Variants in TMEM144 observed in about 807,000 individuals in gnomAD.
TMEM144 encodes the protein transmembrane protein 144.
Under a neutral mutation model 43.6 loss-of-function variants are expected in TMEM144, and 39 were observed. That is an observed-to-expected ratio of 0.90 (90% CI 0.69 to 1.17). The LOEUF (loss-of-function observed/expected upper bound fraction) is 1.17. TMEM144 is among the 50% of genes most tolerant of loss of function. The pLI is 0.00. For synonymous variants in TMEM144, 154 were observed against 133.6 expected (o/e 1.15, Z -1.06); for missense variants, 417 against 411.9 (o/e 1.01, Z -0.11).
At chr4:158,243,403 A>C (rs1446166444) in intron 11 of TMEM144, among the ~76,000 whole-genome samples, 1 of 152,156 alleles carries the variant, frequency 6.6e-6, no homozygotes, top group Non-Finnish European at 1.5e-5. Context: ...TCATTGACTC[A>C]GTCCTTTTGT....
chr4:158,253,375 G>C (rs1037916778), intron 12 of TMEM144, 69 bp from the exon 13 acceptor site: 8 of 1,349,310 alleles, frequency 5.9e-6, no homozygotes, highest in Admixed American at 1.8e-5. Flanking sequence ...TAGCAATCTT[G>C]AGAGTCTGTC....
chr4:158,254,321 A>C lies in TMEM144; in HGVS notation c.*794A>C, dbSNP rs1246112454. ...GAAACAACCACTCTTTTGAATGTAC[A>C]ACTTTTTTTTCTGAAATACACTTTT... On this transcript the variant is annotated 3_prime_UTR_variant, in exon 13 of 13. Transcript: ENST00000296529. 1 of 152,186 alleles carries C rather than the reference A, an allele frequency of 6.6e-6. No homozygotes were observed. Among genetic ancestry groups the C allele is most frequent in the Non-Finnish European group, 1.5e-5 (1 of 68,036 alleles). 9.4% of individuals were successfully genotyped at this position (152,186 alleles called of 1,614,324 possible).
At position 158,252,066 on chromosome 4, in the gene TMEM144, G is replaced by A. The variant is rs534333339; in HGVS notation, c.955-1378G>A. On this transcript the variant is annotated intron_variant, in intron 12 of 12. Coordinates refer to ENST00000296529, the MANE Select transcript of TMEM144 (RefSeq NM_018342.5). Reference sequence around the variant, plus strand: ...GACCAGGAAAAGAGATGCCTCCAGGGATATATGAGAGTTATTTTTCAATGA... The same window carrying A: ...GACCAGGAAAAGAGATGCCTCCAGGAATATATGAGAGTTATTTTTCAATGA... Among the ~76,000 whole-genome samples, 19 of 152,248 alleles carry A rather than the reference G, an allele frequency of 1.2e-4. No homozygotes were observed. In the South Asian group the frequency reaches 3.3e-3, roughly 27 times the overall value.
chr4:158,224,599 G>T (rs938108850), intron 6 of TMEM144, among the ~76,000 whole-genome samples: 1 of 152,118 alleles, frequency 6.6e-6, no homozygotes, highest in South Asian at 2.1e-4. Flanking sequence ...TAATAGGACC[G>T]TAGCAACCTT....
chr4:158,215,082 G>A, intron 3 of TMEM144, 109 bp from the exon 4 acceptor site: 2 of 1,356,098 alleles, frequency 1.5e-6, no homozygotes, highest in Non-Finnish European at 2.1e-6. Context: ...ATGGCATATG[G>A]CATTTAATAA....
chr4:158,234,518 C>A (rs1246554957), intron 7 of TMEM144: 1 of 148,852 alleles, frequency 6.7e-6, no homozygotes, highest in Non-Finnish European at 1.5e-5. Context: ...CCAGCCTGGA[C>A]AACAAGAATG....
intron 6 of TMEM144, among the ~76,000 whole-genome samples, chr4:158,220,136 C>T (rs1734440544): frequency 6.6e-6 from 1 of 152,132 alleles, no homozygotes; most frequent in Non-Finnish European, 1.5e-5. Context: ...AGGGAAAGAA[C>T]AGTATATTTG....
intron 6 of TMEM144, among the ~76,000 whole-genome samples, chr4:158,229,690 C>T (rs1403964639): frequency 6.6e-6 from 1 of 152,170 alleles, no homozygotes; most frequent in Non-Finnish European, 1.5e-5. Flanking sequence ...GAGACTCAGG[C>T]TAGAGTTGTT....
chr4:158,219,498 C>T (rs1734407010), intron 6 of TMEM144, 108 bp downstream of exon 6: 4 of 1,061,702 alleles, frequency 3.8e-6, no homozygotes, highest in Non-Finnish European at 1.4e-6. Context: ...GTAAAATCCA[C>T]ATGCTTGTTC....
chr4:158,242,026 C>A (rs1235900990), intron 11 of TMEM144, among the ~76,000 whole-genome samples: 2 of 152,162 alleles, frequency 1.3e-5, no homozygotes, highest in African/African-American at 4.8e-5. Flanking sequence ...GGTTTTTCTA[C>A]CATTGTTTCT....
At chr4:158,234,669 A>T (rs573444969) in intron 7 of TMEM144, 1 of 152,354 alleles carries the variant, frequency 6.6e-6, no homozygotes, top group South Asian at 2.1e-4. Flanking sequence ...TATATATAGT[A>T]TGTCTTTGTA....
intron 1 of TMEM144, chr4:158,210,915 A>G (rs1733926886): frequency 1.4e-5 from 2 of 147,128 alleles, no homozygotes; most frequent in South Asian, 4.2e-4. Context: ...AACAAAAGTA[A>G]TAAAATAAAA....
chr4:158,239,473 A>G (rs1735517056), intron 9 of TMEM144, among the ~76,000 whole-genome samples: 1 of 152,174 alleles, frequency 6.6e-6, no homozygotes, highest in African/African-American at 2.4e-5. Context: ...TCGTTTTATA[A>G]TCAACAATTG....
chr4:158,251,920 T>C (rs938340448), intron 12 of TMEM144, among the ~76,000 whole-genome samples: 1 of 152,068 alleles, frequency 6.6e-6, no homozygotes, highest in Non-Finnish European at 1.5e-5. Flanking sequence ...ATAAATAAAT[T>C]AGACTCTTTA....
Position 158,215,185 on chromosome 4 carries a change from T to G in TMEM144, c.110-6T>G, listed in dbSNP as rs1326468555. The G allele has an allele frequency of 1.2e-6, 2 of 1,613,594 alleles. No individual in the cohort carries two copies. Among genetic ancestry groups the G allele is most frequent in the East Asian group, 2.2e-5 (1 of 44,854 alleles). On this transcript the variant is annotated splice_polypyrimidine_tract_variant and splice_region_variant and intron_variant, in intron 3 of 12. Transcript: ENST00000296529. ...AACCACTAACACTGAGTTTGTTTATTTCTAGGAATGTTTCTCCAGTGGGTT... is the reference window on the plus strand; with the variant it reads ...AACCACTAACACTGAGTTTGTTTATGTCTAGGAATGTTTCTCCAGTGGGTT...
At chr4:158,231,371 T>G (rs992033088) in intron 6 of TMEM144, among the ~76,000 whole-genome samples, 6 of 152,190 alleles carry the variant, frequency 3.9e-5, no homozygotes, top group African/African-American at 1.4e-4. Flanking sequence ...CTGAGGCTGC[T>G]TCTGAGGCCT....
intron 7 of TMEM144, 40 bp from the exon 8 acceptor site, chr4:158,235,398 A>T: frequency 6.2e-7 from 1 of 1,600,374 alleles, no homozygotes; most frequent in Non-Finnish European, 8.5e-7. Context: ...TTATCAATTG[A>T]ATGTTCTTTT....
rs1299654499 is a variant in TMEM144 at position 158,212,386 on chromosome 4, G to A, written c.-60-222G>A. On this transcript the variant is annotated intron_variant, in intron 2 of 12. Transcript: ENST00000296529. Reference sequence around the variant, plus strand: ...TTTTTTTGTAATGTACTAAAAATTTGTCTTCAGGGCTTGTTCTTTTTAAAT... The same window carrying A: ...TTTTTTTGTAATGTACTAAAAATTTATCTTCAGGGCTTGTTCTTTTTAAAT... Among the ~76,000 whole-genome samples the A allele has an allele frequency of 2.0e-5, 3 of 152,134 alleles. No individual in the cohort carries two copies. The East Asian group carries it at 5.8e-4, about 29-fold the overall frequency.
intron 12 of TMEM144, among the ~76,000 whole-genome samples, chr4:158,247,031 A>G (rs2111151757): frequency 6.6e-6 from 1 of 152,072 alleles, no homozygotes; most frequent in East Asian, 1.9e-4. Flanking sequence ...AAAAAGACAC[A>G]TCAGACTGAA....
Sources: allele counts gnomAD v4.1 joint callset (sites outside exome capture counted in the v4.1 genomes callset), GRCh38; gene constraint gnomAD v4.1.1; transcripts MANE v1.5; gene names NCBI Gene and HGNC (gene_info 2026-07-23, HGNC 2026-07-21).